RNF216: variants seen among roughly 807,000 people sequenced by gnomAD.
The protein encoded by RNF216 is E3 ubiquitin-protein ligase RNF216.
RNF216 carries 72 observed loss-of-function variants against 110.8 expected under a neutral mutation model. The ratio of observed to expected loss-of-function variants is 0.65; its 90% CI spans 0.54 to 0.79. The LOEUF (loss-of-function observed/expected upper bound fraction) is 0.79, where lower values mean the gene tolerates loss of function less well. RNF216 is among the 30% of genes least tolerant of loss of function. RNF216 has a pLI of 0.00. For synonymous variants in RNF216, 495 were observed against 407.5 expected (o/e 1.21, Z -2.59); for missense variants, 1,342 against 1,141.2 (o/e 1.18, Z -2.54).
At chr7:5,734,155 A>G (rs1173325598) in intron 5 of RNF216, among the ~76,000 whole-genome samples, 1 of 152,178 alleles carries the variant, frequency 6.6e-6, no homozygotes, top group Admixed American at 6.5e-5. Context: ...AGTTCAGGAG[A>G]CAAGCAGGAG....
chr7:5,773,007 T>C (rs1409911135), intron 1 of RNF216, among the ~76,000 whole-genome samples: 2 of 152,094 alleles, frequency 1.3e-5, no homozygotes, highest in Non-Finnish European at 2.9e-5. Context: ...CTCGAACTAC[T>C]GACCTCTGGT....
At chr7:5,748,655 C>T (rs1003624644) in intron 3 of RNF216, among the ~76,000 whole-genome samples, 16 of 132,710 alleles carry the variant, frequency 1.2e-4, no homozygotes, top group Middle Eastern at 3.8e-3. Context: ...CACACACACA[C>T]ACATAATATA....
intron 13 of RNF216, among the ~76,000 whole-genome samples, chr7:5,658,665 A>AAAAAG (rs1788901386): frequency 6.6e-6 from 1 of 151,962 alleles, no homozygotes; most frequent in Non-Finnish European, 1.5e-5. Context: ...AAAAAAAAAA[A>AAAAAG]AAAAAAAAAA....
chr7:5,719,541 T>C lies in RNF216; in HGVS notation c.1644+1492A>G, dbSNP rs1035487122. Reference sequence around the variant, plus strand: ...GAGACTAACTTGAAGGGGCAGCCAATAGTCAGAGATGGGACAATGTGAATA... The same window carrying C: ...GAGACTAACTTGAAGGGGCAGCCAACAGTCAGAGATGGGACAATGTGAATA... On this transcript the variant is annotated intron_variant, in intron 9 of 16. Coordinates refer to ENST00000389902, the MANE Select transcript of RNF216 (RefSeq NM_207111.4). 2.6e-5 allele frequency among the ~76,000 whole-genome samples: 4 copies of C among 152,156 alleles called. No homozygotes were observed. The South Asian group carries it at 6.2e-4, about 24-fold the overall frequency.
At chr7:5,767,575 C>G (rs191726246) in intron 1 of RNF216, among the ~76,000 whole-genome samples, 206 of 151,788 alleles carry the variant, frequency 1.4e-3, no homozygotes, top group African/African-American at 4.9e-3. Context: ...GAGCAGAAAT[C>G]TCAGCAAACA....
intron 13 of RNF216, among the ~76,000 whole-genome samples, chr7:5,685,261 TCTC>T (rs1423231558): frequency 1.3e-5 from 2 of 152,070 alleles, no homozygotes; most frequent in African/African-American, 4.8e-5. Context: ...AACAAAACCA[TCTC>T]CTCCTTTTTG....
chr7:5,682,207 C>A (rs554512423), intron 13 of RNF216, among the ~76,000 whole-genome samples: 47 of 152,288 alleles, frequency 3.1e-4, no homozygotes, highest in African/African-American at 1.1e-3. Context: ...CGTGCCAGCC[C>A]ACACTGACTT....
At chr7:5,651,850 T>C (rs1014744870) in intron 14 of RNF216, among the ~76,000 whole-genome samples, 3 of 152,162 alleles carry the variant, frequency 2.0e-5, no homozygotes, top group East Asian at 1.9e-4. Context: ...GGTTTCACCA[T>C]GTTGGCCAGG....
chr7:5,777,468 A>T (rs1796846372), intron 1 of RNF216: 1 of 152,248 alleles, frequency 6.6e-6, no homozygotes, highest in South Asian at 2.1e-4. Flanking sequence ...CGGTGCCAGG[A>T]AACAAGAGCC....
intron 8 of RNF216, among the ~76,000 whole-genome samples, chr7:5,722,315 T>C (rs1793475081): frequency 6.6e-6 from 1 of 152,106 alleles, no homozygotes; most frequent in Admixed American, 6.5e-5. Context: ...ATATTTACTA[T>C]CTGGTTCCTA....
chr7:5,646,261 C>T (rs1788041909), intron 14 of RNF216, among the ~76,000 whole-genome samples: 3 of 152,056 alleles, frequency 2.0e-5, no homozygotes, highest in African/African-American at 4.8e-5. Flanking sequence ...CCCAGCAACT[C>T]GTGAGGCTGA....
intron 2 of RNF216, among the ~76,000 whole-genome samples, chr7:5,755,183 A>G (rs1795560745): frequency 6.9e-6 from 1 of 145,168 alleles, no homozygotes; most frequent in Non-Finnish European, 1.5e-5. Flanking sequence ...AGAGGAAAGG[A>G]AGAAGGAAGG....
intron 8 of RNF216, among the ~76,000 whole-genome samples, chr7:5,723,539 C>T (rs563430477): frequency 1.5e-4 from 23 of 151,530 alleles, no homozygotes; most frequent in South Asian, 1.0e-3. Context: ...CCCAGCTACT[C>T]GGGAGGCTGA....
rs561905961 is a variant in RNF216, at chr7:5,716,985, A to G, written c.1645-219T>C. 2.0e-5 allele frequency among the ~76,000 whole-genome samples: 3 copies of G among 152,370 alleles called. No individual in the cohort carries two copies. The South Asian group carries it at 6.2e-4, about 32-fold the overall frequency. On this transcript the variant is annotated intron_variant, in intron 9 of 16. Transcript: ENST00000389902. ...AAGTATGACTCAAAATGTAGAATAA[A>G]TAAGGGAAAAGGCTGACACATAAAA...
chr7:5,712,918 T>G, intron 11 of RNF216, 55 bp from the exon 12 acceptor site: 2 of 1,519,466 alleles, frequency 1.3e-6, no homozygotes, highest in Non-Finnish European at 1.8e-6. Context: ...TATAGAAAAA[T>G]AAAAAGCGTC....
At chr7:5,698,384 T>TACATACACAC (rs1554254096) in intron 13 of RNF216, among the ~76,000 whole-genome samples, 3 of 145,300 alleles carry the variant, frequency 2.1e-5, no homozygotes, top group Non-Finnish European at 4.5e-5. Context: ...GATTCTTTTA[T>TACATACACAC]ACACACACAC....
intron 1 of RNF216, among the ~76,000 whole-genome samples, chr7:5,778,260 C>T (rs930911941): frequency 6.6e-6 from 1 of 152,172 alleles, no homozygotes; most frequent in African/African-American, 2.4e-5. Context: ...CTTGCTCCTT[C>T]CTTCCACTGC....
At chr7:5,725,477 G>C (rs1793694052) in intron 7 of RNF216, 39 bp from the exon 8 acceptor site, 1 of 1,179,828 alleles carries the variant, frequency 8.5e-7, no homozygotes, top group African/African-American at 1.5e-5. Flanking sequence ...TCTGTAAATA[G>C]AAAATAAGAA....
In RNF216 at chr7:5,741,175, T is replaced by G. The variant is rs771303065; in HGVS notation, c.842A>C (p.Gln281Pro). 24 of 1,614,016 alleles carry G rather than the reference T, an allele frequency of 1.5e-5. No individual in the cohort carries two copies. Among genetic ancestry groups the G allele is most frequent in the Non-Finnish European group, 1.0e-5 (12 of 1,180,022 alleles). ...AGAAGAGGGGCCTGAAATCCCACCTTGCTGGGGTTCCGGCCTTGGAAAAGC... is the reference window on the plus strand; with the variant it reads ...AGAAGAGGGGCCTGAAATCCCACCTGGCTGGGGTTCCGGCCTTGGAAAAGC... ...GPAFPRPEPQ[Q>P]GGISGPSSPQ... Residue 281 changes from glutamine (Q) to proline (P), a missense_variant, in exon 4 of 17, where the codon CAA becomes CCA. Gln to Pro is a moderately conservative substitution (Grantham distance 76, BLOSUM62 -1). Transcript: ENST00000389902.
Sources: gnomAD v4.1 joint callset for allele counts (sites outside exome capture counted in the v4.1 genomes callset) on GRCh38, gnomAD v4.1.1 for gene constraint, MANE v1.5 for transcripts, NCBI Gene and HGNC (gene_info 2026-07-23, HGNC 2026-07-21) for gene names.